SRGAP3: variants seen among roughly 807,000 people sequenced by gnomAD.
SRGAP3 encodes the protein SLIT-ROBO Rho GTPase activating protein 3, also known as SLIT-ROBO Rho GTPase-activating protein 3.
SRGAP3 carries 39 observed loss-of-function variants against 121.1 expected under a neutral mutation model. That is an observed-to-expected ratio of 0.32 (90% confidence interval 0.25 to 0.42). The LOEUF (loss-of-function observed/expected upper bound fraction) is 0.42. SRGAP3 is among the 10% of genes least tolerant of loss of function. The pLI is 1.00. For missense variants in SRGAP3, 1,213 were observed against 1,470.6 expected (o/e 0.82, Z 2.86); for synonymous variants, 601 against 570.0 (o/e 1.05, Z -0.77).
intron 4 of SRGAP3, among the ~76,000 whole-genome samples, chr3:9,075,487 T>C (rs1946933786): frequency 6.6e-6 from 1 of 152,176 alleles, no homozygotes; most frequent in Non-Finnish European, 1.5e-5. Context: ...GACTGGGTGA[T>C]AAGGACTAGG....
At chr3:9,348,504 G>A (rs1421787637) in intron 1 of SRGAP3, 29 of 740,488 alleles carry the variant, frequency 3.9e-5, no homozygotes, top group Middle Eastern at 3.8e-4. Context: ...CCGGAGAACC[G>A]CTTCAGCAGC....
chr3:9,335,898 T>A lies in SRGAP3; in HGVS notation n.215-5302A>T, dbSNP rs17050248. Among the ~76,000 whole-genome samples the A allele has an allele frequency of 4.6e-3, 703 of 152,270 alleles. 5 individuals carry two copies. Among genetic ancestry groups the A allele is most frequent in the South Asian group, 0.013 (61 of 4,810 alleles). On this transcript the variant is annotated intron_variant and non_coding_transcript_variant, in intron 1 of 3. Coordinates refer to the SRGAP3 transcript ENST00000490889. ...TTTTTTTTAGTCAGTCTCTTGCTTA[T>A]CCAGCCTTTAGAATTTTTAAATGAC... is the stretch of plus-strand genomic sequence containing the variant.
chr3:9,343,099 TTTA>T (rs759567599), intron 1 of SRGAP3, among the ~76,000 whole-genome samples: 7 of 152,228 alleles, frequency 4.6e-5, no homozygotes, highest in Non-Finnish European at 8.8e-5. Context: ...CAAAATTAAA[TTTA>T]TTGTCTTCTT....
intron 3 of SRGAP3, among the ~76,000 whole-genome samples, chr3:9,089,105 G>A (rs982263963): frequency 2.1e-4 from 32 of 151,940 alleles, no homozygotes; most frequent in South Asian, 6.2e-4. Context: ...AGGCACTAAC[G>A]ACACAAAGCT....
intron 11 of SRGAP3, chr3:9,035,245 C>A (rs1405148794): frequency 1.3e-5 from 2 of 153,420 alleles, no homozygotes; most frequent in East Asian, 3.7e-4. Flanking sequence ...TATCAAAAAA[C>A]CTACGGTGCC....
At chr3:9,060,680 T>C (rs558784566) in intron 5 of SRGAP3, among the ~76,000 whole-genome samples, 1 of 152,252 alleles carries the variant, frequency 6.6e-6, no homozygotes, top group African/African-American at 2.4e-5. Flanking sequence ...CCTCAAGCCA[T>C]CCTCCCACCT....
rs75170304 is a variant in SRGAP3, at chr3:9,016,473, G to C, written c.1679-742C>G. ...TATTTTTGGCAAGAACACTACATGG[G>C]TGATGTTATGGACACCTTAATGCAT... On this transcript the variant is annotated intron_variant, in intron 14 of 21. Coordinates refer to ENST00000383836, the MANE Select transcript of SRGAP3 (RefSeq NM_014850.4). Among the ~76,000 whole-genome samples the C allele has an allele frequency of 2.5e-3, 379 of 152,262 alleles. 8 individuals carry two copies. The highest frequency in any genetic ancestry group is 0.015 in the East Asian group (80 of 5,184).
chr3:9,186,952 T>A (rs968708693), intron 1 of SRGAP3, among the ~76,000 whole-genome samples: 3 of 152,148 alleles, frequency 2.0e-5, no homozygotes, highest in Admixed American at 6.5e-5. Context: ...CAGCAAAAAG[T>A]TTTTTGTTTT....
chr3:9,110,890 G>T (rs923872189), intron 2 of SRGAP3, among the ~76,000 whole-genome samples: 3 of 152,250 alleles, frequency 2.0e-5, no homozygotes, highest in African/African-American at 7.2e-5. Context: ...CAGCACAGCA[G>T]TAGAGAACAG....
intron 2 of SRGAP3, among the ~76,000 whole-genome samples, chr3:9,113,098 T>C (rs1021772567): frequency 6.6e-6 from 1 of 152,172 alleles, no homozygotes; most frequent in Non-Finnish European, 1.5e-5. Context: ...CAGACAAGAC[T>C]GAACATGTAG....
intron 2 of SRGAP3, among the ~76,000 whole-genome samples, chr3:9,329,924 A>C (rs1955578740): frequency 1.3e-5 from 2 of 152,190 alleles, no homozygotes; most frequent in Admixed American, 6.5e-5. Context: ...GTTCTTAGCC[A>C]AAAGGGACTT....
intron 1 of SRGAP3, among the ~76,000 whole-genome samples, chr3:9,208,048 T>G (rs548467603): frequency 6.6e-6 from 1 of 152,124 alleles, no homozygotes; most frequent in African/African-American, 2.4e-5. Flanking sequence ...CATCTCCCTA[T>G]CCAGACAGTG....
chr3:9,226,803 G>A (rs111312847), intron 1 of SRGAP3, among the ~76,000 whole-genome samples: 19 of 152,206 alleles, frequency 1.2e-4, no homozygotes, highest in African/African-American at 4.6e-4. Context: ...GTTTTCAGAG[G>A]ACCATGACCC....
rs532602901 is a variant in SRGAP3 at position 9,123,732 on chromosome 3, A to ATGTGTGTG, written c.260+985_260+992dup. 6.5e-3 allele frequency among the ~76,000 whole-genome samples: 904 copies of ATGTGTGTG among 139,102 alleles called. 19 individuals are homozygous for ATGTGTGTG. Among genetic ancestry groups the ATGTGTGTG allele is most frequent in the African/African-American group, 0.023 (799 of 34,780 alleles). The allele number at this position is 139,102 out of a possible 152,430, so 91.3% of individuals were successfully genotyped here. A position where few individuals can be genotyped will look rare whatever the true frequency, so the allele number is the denominator to read the frequency against. On this transcript the variant is annotated intron_variant, in intron 2 of 21. Transcript: ENST00000383836. ...AATATATATATATATATATGTATAT[A>ATGTGTGTG]TGTGTGTGTGTGTGTGTGTGTGTAT...
intron 14 of SRGAP3, 30 bp downstream of exon 14, chr3:9,025,231 A>G: frequency 6.2e-7 from 1 of 1,613,046 alleles, no homozygotes; most frequent in Non-Finnish European, 8.5e-7. Context: ...TCCCCTGGCC[A>G]CAAGCCTAAG....
intron 3 of SRGAP3, among the ~76,000 whole-genome samples, chr3:9,263,428 AG>A (rs1325167629): frequency 2.0e-5 from 3 of 152,190 alleles, no homozygotes; most frequent in East Asian, 3.8e-4. Context: ...CAATGAATCC[AG>A]GAGCTAGCTT....
intron 2 of SRGAP3, among the ~76,000 whole-genome samples, chr3:9,118,773 C>G (rs1482667400): frequency 6.6e-6 from 1 of 151,664 alleles, no homozygotes; most frequent in Non-Finnish European, 1.5e-5. Context: ...TCATGTGATG[C>G]CAATGCCGCT....
At chr3:9,088,091 C>A (rs1009994184) in intron 3 of SRGAP3, among the ~76,000 whole-genome samples, 1 of 152,204 alleles carries the variant, frequency 6.6e-6, no homozygotes, top group African/African-American at 2.4e-5. Context: ...AAACTTTTCA[C>A]CAGGAACAGG....
chr3:9,299,359 C>CAAAAA (rs35608018), intron 3 of SRGAP3, among the ~76,000 whole-genome samples: 5 of 91,192 alleles, frequency 5.5e-5, no homozygotes, highest in East Asian at 3.7e-4. Flanking sequence ...GACTCCGTCC[C>CAAAAA]AAAAAAAAAA....
Sources: gnomAD v4.1 joint callset for allele counts (sites outside exome capture counted in the v4.1 genomes callset) on GRCh38, gnomAD v4.1.1 for gene constraint, MANE v1.5 for transcripts, NCBI Gene and HGNC (gene_info 2026-07-23, HGNC 2026-07-21) for gene names.